Variants in STOML3 observed in about 807,000 individuals in gnomAD.
STOML3 encodes stomatin like 3, also known as stomatin-like protein 3.
A neutral mutation model predicts 29.5 loss-of-function variants in STOML3; 31 were observed. The observed-to-expected ratio is 1.05, with a 90% CI of 0.79 to 1.42. The LOEUF is 1.42. STOML3 is among the 40% of genes most tolerant of loss of function. The pLI is 0.00. For missense variants in STOML3, 380 were observed against 363.0 expected, an observed-to-expected ratio of 1.05 and a Z score of -0.38; for synonymous variants, 122 against 139.8, an observed-to-expected ratio of 0.87 and a Z score of 0.90.
At chr13:38,974,597 T>C (rs2138012337) in intron 3 of STOML3, among the ~76,000 whole-genome samples, 1 of 152,310 alleles carries the variant, frequency 6.6e-6, no homozygotes, top group East Asian at 1.9e-4. Flanking sequence ...ATGTATTAAA[T>C]GCTCATGAAG....
intron 1 of STOML3, among the ~76,000 whole-genome samples, chr13:38,985,920 T>C (rs1480450534): frequency 2.8e-5 from 4 of 143,834 alleles, no homozygotes; most frequent in African/African-American, 1.0e-4. Context: ...TCTTTTTTTT[T>C]TTTTTTTTTT....
intron 3 of STOML3, among the ~76,000 whole-genome samples, chr13:38,974,696 T>C (rs1257211849): frequency 6.6e-6 from 1 of 152,206 alleles, no homozygotes; most frequent in Non-Finnish European, 1.5e-5. Context: ...CTTGTCCTTA[T>C]GACATGCTGA....
chr13:38,968,416 C>T lies in STOML3; in HGVS notation c.635G>A (p.Arg212Gln), dbSNP rs755648849. Residue 212 changes from arginine (R) to glutamine (Q), a missense_variant, in exon 6 of 7, where the codon CGG becomes CAG. Arg to Gln is a conservative substitution (Grantham distance 43). Coordinates refer to ENST00000379631, the MANE Select transcript of STOML3 (RefSeq NM_145286.3). ...AACACTTACCTTGGCTCTCGCTTCC[C>T]GGGTGGCCTCAGCCTCGGCTGCCAT... ...RSMAAEAEATREARAKVLAAE... is the reference protein window; with the variant it reads ...RSMAAEAEATQEARAKVLAAE... 24 of 1,614,004 alleles carry T rather than the reference C, an allele frequency of 1.5e-5. No homozygotes were observed. Among genetic ancestry groups the T allele is most frequent in the African/African-American group, 2.7e-5 (2 of 74,934 alleles).
At position 38,968,459 on chromosome 13, in the gene STOML3, C is replaced by T. The variant is rs575718463; in HGVS notation, c.592G>A (p.Val198Met). ...GCTGCCATGGATCTCTGCAACTGCA[C>T]GGGAATCCGAACATCTTTGATTTCC... ...RVEIKDVRIP[V>M]QLQRSMAAEA... Residue 198 changes from valine to methionine, a missense_variant, in exon 6 of 7, where the codon GTG (valine) becomes ATG (methionine). Physicochemically the swap from Val to Met is conservative, Grantham distance 21 (BLOSUM62 1). Transcript: ENST00000379631. 2.8e-5 allele frequency: 45 copies of T among 1,614,110 alleles called. No homozygotes were observed. The highest frequency in any genetic ancestry group is 3.1e-5 in the Non-Finnish European group (37 of 1,180,012).
At chr13:38,967,416 TA>T (rs1205935427) in intron 6 of STOML3, among the ~76,000 whole-genome samples, 1 of 152,242 alleles carries the variant, frequency 6.6e-6, no homozygotes, top group African/African-American at 2.4e-5. Context: ...TTAAGGCCTC[TA>T]ACTGATGTTT....
At chr13:38,974,559 A>C (rs1315342711) in intron 3 of STOML3, among the ~76,000 whole-genome samples, 1 of 152,216 alleles carries the variant, frequency 6.6e-6, no homozygotes, top group Non-Finnish European at 1.5e-5. Flanking sequence ...CATCATGATG[A>C]AATAAAGTAC....
intron 1 of STOML3, among the ~76,000 whole-genome samples, chr13:38,987,927 ATATAT>A (rs1269227056): frequency 1.4e-5 from 1 of 71,786 alleles, no homozygotes; most frequent in African/African-American, 9.2e-5. Context: ...ATTTTATATA[ATATAT>A]TATGTTATAT....
chr13:38,985,834 TAG>T (rs1868490853), intron 1 of STOML3, among the ~76,000 whole-genome samples: 1 of 148,376 alleles, frequency 6.7e-6, no homozygotes, highest in African/African-American at 2.5e-5. Context: ...AGTATATATA[TAG>T]AATAGAAAAA....
chr13:38,985,026 A>T (rs758994342), intron 1 of STOML3, among the ~76,000 whole-genome samples: 2 of 152,188 alleles, frequency 1.3e-5, no homozygotes, highest in Non-Finnish European at 2.9e-5. Flanking sequence ...ATCAGACAAG[A>T]TTCTATTTTC....
intron 6 of STOML3, among the ~76,000 whole-genome samples, chr13:38,967,593 T>A (rs1880704212): frequency 6.6e-6 from 1 of 152,196 alleles, no homozygotes; most frequent in Non-Finnish European, 1.5e-5. Context: ...TCACTCTTTA[T>A]AGCTCTCAGA....
rs1880641691 is a variant in STOML3, at chr13:38,966,320, T to C, written c.*505A>G. 1 of 152,776 alleles carries C rather than the reference T, an allele frequency of 6.5e-6. No individual in the cohort carries two copies. The highest frequency in any genetic ancestry group is 1.5e-5 in the Non-Finnish European group (1 of 68,496). The allele number at this position is 152,776 out of a possible 1,614,324, so 9.5% of individuals were successfully genotyped here. Reference sequence around the variant, plus strand: ...TGAGCCTGGAAGTTTCCATACTTCTTTTGTTCTTAACATCAAAATCAATCT... The same window carrying C: ...TGAGCCTGGAAGTTTCCATACTTCTCTTGTTCTTAACATCAAAATCAATCT... On this transcript the variant is annotated 3_prime_UTR_variant, in exon 7 of 7. Coordinates refer to ENST00000379631, the MANE Select transcript of STOML3 (RefSeq NM_145286.3).
At chr13:38,987,789 T>C (rs1332761962) in intron 1 of STOML3, among the ~76,000 whole-genome samples, 1 of 112,610 alleles carries the variant, frequency 8.9e-6, no homozygotes, top group Non-Finnish European at 1.7e-5. Context: ...GTGTATATAT[T>C]ATATATTATA....
chr13:38,990,744 A>G lies in STOML3; in HGVS notation c.-23T>C, dbSNP rs971318710. The G allele has an allele frequency of 1.2e-6, 2 of 1,612,678 alleles. No homozygotes were observed. Among genetic ancestry groups the G allele is most frequent in the Non-Finnish European group, 1.7e-6 (2 of 1,179,088 alleles). ...CATCTCATTCTTGAGAAGCTTTTAT[A>G]CTTGGCAATTTTTCATGGGTTTGGA... On this transcript the variant is annotated 5_prime_UTR_variant, in exon 1 of 7. Transcript: ENST00000379631.
At chr13:38,980,275 G>A (rs1881227101) in intron 1 of STOML3, 2 of 743,724 alleles carry the variant, frequency 2.7e-6, no homozygotes, top group Non-Finnish European at 4.4e-6. Context: ...GGGGCTGTGA[G>A]TGCTGCTGTC....
intron 1 of STOML3, among the ~76,000 whole-genome samples, chr13:38,982,009 C>T (rs930093853): frequency 6.6e-6 from 1 of 151,988 alleles, no homozygotes. Context: ...GAAGTTTGCC[C>T]AAATCCATCA....
chr13:38,969,377 A>G (rs1880777361), intron 5 of STOML3, among the ~76,000 whole-genome samples: 1 of 152,182 alleles, frequency 6.6e-6, no homozygotes. Flanking sequence ...CACCTGAGAT[A>G]CTGAGACCTC....
chr13:38,971,934 A>C (rs748460813), intron 4 of STOML3, among the ~76,000 whole-genome samples: 27 of 152,214 alleles, frequency 1.8e-4, no homozygotes, highest in Admixed American at 2.6e-4. Flanking sequence ...TCAAAAGAAA[A>C]AAACAAACAA....
chr13:38,982,321 A>C (rs1420222959), intron 1 of STOML3, among the ~76,000 whole-genome samples: 2 of 152,098 alleles, frequency 1.3e-5, no homozygotes, highest in African/African-American at 4.8e-5. Context: ...TTTGTTTTTA[A>C]AATATGTTTA....
At chr13:38,977,231 G>A (rs574488939) in intron 1 of STOML3, among the ~76,000 whole-genome samples, 1 of 152,306 alleles carries the variant, frequency 6.6e-6, no homozygotes, top group South Asian at 2.1e-4. Flanking sequence ...TCCCCAGAGG[G>A]AGACAATGTG....
Sources: gnomAD v4.1 joint callset for allele counts (sites outside exome capture counted in the v4.1 genomes callset) on GRCh38, gnomAD v4.1.1 for gene constraint, MANE v1.5 for transcripts, NCBI Gene and HGNC (gene_info 2026-07-23, HGNC 2026-07-21) for gene names.